Variants in GRM7 observed in about 807,000 individuals in gnomAD.
GRM7 encodes glutamate metabotropic receptor 7, also known as metabotropic glutamate receptor 7.
Under a neutral mutation model 84.5 loss-of-function variants are expected in GRM7, and 35 were observed. The observed-to-expected ratio is 0.41, with a 90% CI of 0.32 to 0.55. The LOEUF (loss-of-function observed/expected upper bound fraction) is 0.55. Among genes scored for constraint, GRM7 ranks in the 20% least tolerant of loss-of-function variants. The pLI is 0.19. For missense variants in GRM7, 1,003 were observed against 1,194.6 expected, an observed-to-expected ratio of 0.84 and a Z score of 2.36; for synonymous variants, 487 against 455.1, an observed-to-expected ratio of 1.07 and a Z score of -0.89.
intron 1 of GRM7, among the ~76,000 whole-genome samples, chr3:7,143,495 T>C (rs1459138701): frequency 1.3e-5 from 2 of 152,146 alleles, no homozygotes; most frequent in East Asian, 1.9e-4. Context: ...AAGAGAAATA[T>C]GGGTCTTAAG....
intron 1 of GRM7, among the ~76,000 whole-genome samples, chr3:6,957,895 A>G (rs1559351932): frequency 6.6e-6 from 1 of 152,212 alleles, no homozygotes; most frequent in Non-Finnish European, 1.5e-5. Flanking sequence ...ACTTGGATGC[A>G]TTTTACAAAG....
chr3:7,442,185 T>C (rs753371016), intron 5 of GRM7, among the ~76,000 whole-genome samples: 1 of 152,068 alleles, frequency 6.6e-6, no homozygotes, highest in Non-Finnish European at 1.5e-5. Context: ...TTGTTTTAGA[T>C]ATCTTTCACC....
intron 4 of GRM7, among the ~76,000 whole-genome samples, chr3:7,338,634 T>G (rs1482938762): frequency 6.6e-6 from 1 of 152,164 alleles, no homozygotes; most frequent in Non-Finnish European, 1.5e-5. Flanking sequence ...TGGGGGACAT[T>G]CGCCCTTTGA....
chr3:7,082,919 C>G (rs911353592), intron 1 of GRM7, among the ~76,000 whole-genome samples: 1 of 152,026 alleles, frequency 6.6e-6, no homozygotes, highest in Non-Finnish European at 1.5e-5. Context: ...CTTGAATGAA[C>G]GAGGAATTGC....
chr3:7,539,337 G>T (rs1178625023), intron 7 of GRM7, among the ~76,000 whole-genome samples: 1 of 152,102 alleles, frequency 6.6e-6, no homozygotes, highest in Non-Finnish European at 1.5e-5. Flanking sequence ...TGACGATCAG[G>T]AAGTTCTTCT....
chr3:7,229,759 ATTTT>A (rs1200808989), intron 2 of GRM7, among the ~76,000 whole-genome samples: 316 of 30,222 alleles, frequency 0.01, 11 homozygotes, highest in Admixed American at 0.084. Flanking sequence ...ATATATATAT[ATTTT>A]TTTTTTTTTT....
chr3:7,446,646 G>C (rs1697526783), intron 5 of GRM7, among the ~76,000 whole-genome samples: 1 of 151,948 alleles, frequency 6.6e-6, no homozygotes, highest in South Asian at 2.1e-4. Context: ...ATTTGGTACA[G>C]ACGAGGTTTC....
At chr3:7,229,757 ATATTTT>A (rs1697121375) in intron 2 of GRM7, among the ~76,000 whole-genome samples, 21 of 26,868 alleles carry the variant, frequency 7.8e-4, no homozygotes, top group South Asian at 7.0e-3. Context: ...ATATATATAT[ATATTTT>A]TTTTTTTTTT....
At chr3:7,334,861 A>G (rs1701342818) in intron 4 of GRM7, among the ~76,000 whole-genome samples, 1 of 152,128 alleles carries the variant, frequency 6.6e-6, no homozygotes. Context: ...CTAACAGGAA[A>G]ATATGACATA....
intron 1 of GRM7, among the ~76,000 whole-genome samples, chr3:7,128,957 TGAAA>T (rs1188461963): frequency 6.6e-6 from 1 of 152,196 alleles, no homozygotes; most frequent in Non-Finnish European, 1.5e-5. Context: ...TGTTGCTTTC[TGAAA>T]GATTCTTAAA....
intron 1 of GRM7, among the ~76,000 whole-genome samples, chr3:7,043,294 A>G (rs139266042): frequency 6.6e-6 from 1 of 152,266 alleles, no homozygotes; most frequent in African/African-American, 2.4e-5. Context: ...CTCTTTGTGT[A>G]TGGCATTCTG....
At chr3:7,565,760 G>A (rs768962297) in intron 7 of GRM7, among the ~76,000 whole-genome samples, 1 of 152,208 alleles carries the variant, frequency 6.6e-6, no homozygotes, top group Non-Finnish European at 1.5e-5. Flanking sequence ...AGACCAGCAG[G>A]AAAGGGAGGT....
chr3:7,472,193 T>G (rs924914826), intron 7 of GRM7, among the ~76,000 whole-genome samples: 6 of 152,168 alleles, frequency 3.9e-5, no homozygotes, highest in African/African-American at 1.4e-4. Flanking sequence ...AGCCTGAGGC[T>G]CTTGCCACAT....
At chr3:7,494,540 C>T (rs985521162) in intron 7 of GRM7, among the ~76,000 whole-genome samples, 12 of 152,042 alleles carry the variant, frequency 7.9e-5, no homozygotes, top group African/African-American at 2.9e-4. Context: ...CTTGTACTAC[C>T]CTTTAGCTTC....
At chr3:7,130,329 G>A (rs1010361963) in intron 1 of GRM7, among the ~76,000 whole-genome samples, 1 of 152,088 alleles carries the variant, frequency 6.6e-6, no homozygotes, top group Non-Finnish European at 1.5e-5. Flanking sequence ...GAATCACGAA[G>A]TTAGGAGTTT....
intron 9 of GRM7, among the ~76,000 whole-genome samples, chr3:7,734,126 A>T (rs980703781): frequency 1.3e-5 from 2 of 151,184 alleles, no homozygotes; most frequent in East Asian, 3.9e-4. Flanking sequence ...ATGCTTCTCC[A>T]TTCTCTTGAA....
intron 1 of GRM7, among the ~76,000 whole-genome samples, chr3:6,972,510 C>T (rs1338115176): frequency 3.3e-5 from 5 of 152,134 alleles, no homozygotes; most frequent in African/African-American, 1.2e-4. Flanking sequence ...CCATCTCCAG[C>T]GTGCCTTGTG....
At chr3:7,158,939 T>A (rs71308545) in intron 2 of GRM7, among the ~76,000 whole-genome samples, 1 of 152,186 alleles carries the variant, frequency 6.6e-6, no homozygotes, top group African/African-American at 2.4e-5. Context: ...GTATATAATG[T>A]TAATGCTAGG....
intron 8 of GRM7, among the ~76,000 whole-genome samples, chr3:7,620,414 A>G (rs999390497): frequency 6.6e-6 from 1 of 152,156 alleles, no homozygotes; most frequent in African/African-American, 2.4e-5. Context: ...TTAGGATTTT[A>G]GAAAGATTAA....
Sources: gnomAD v4.1 joint callset for allele counts (sites outside exome capture counted in the v4.1 genomes callset) on GRCh38, gnomAD v4.1.1 for gene constraint, MANE v1.5 for transcripts, NCBI Gene and HGNC (gene_info 2026-07-23, HGNC 2026-07-21) for gene names.